Variants in PDLIM5 observed in about 807,000 individuals in gnomAD.
PDLIM5 encodes PDZ and LIM domain 5, also known as PDZ and LIM domain protein 5.
A neutral mutation model predicts 64.2 loss-of-function variants in PDLIM5; 34 were observed. That is an observed-to-expected ratio of 0.53 (90% CI 0.40 to 0.71). The LOEUF is 0.71. Among genes scored for constraint, PDLIM5 ranks in the 30% least tolerant of loss-of-function variants. The pLI, the probability that PDLIM5 is intolerant of heterozygous loss-of-function variation, is 0.00. For synonymous variants in PDLIM5, 253 were observed against 269.1 expected (o/e 0.94, Z 0.59); for missense variants, 683 against 733.6 (o/e 0.93, Z 0.80).
At chr4:94,579,438 G>A in intron 5 of PDLIM5, 6 of 606,296 alleles carry the variant, frequency 9.9e-6, no homozygotes, top group Non-Finnish European at 1.7e-5. Context: ...CAGCTCCTGT[G>A]TGATACTTTG....
chr4:94,657,613 C>T, intron 11 of PDLIM5, 66 bp downstream of exon 11: 1 of 1,180,860 alleles, frequency 8.5e-7, no homozygotes, highest in East Asian at 2.4e-5. Context: ...CCTTATATTA[C>T]TATAAAGCTC....
chr4:94,557,385 G>T lies in PDLIM5; in HGVS notation c.249-15966G>T, dbSNP rs1414066480. Among the ~76,000 whole-genome samples, 8 of 152,182 alleles carry T rather than the reference G, an allele frequency of 5.3e-5. No individual in the cohort carries two copies. In the East Asian group the frequency reaches 1.5e-3, roughly 29 times the overall value. ...TTTTGCTTAGGATTGACTTGGCAAT[G>T]TGGGCTGTTTTTTGGCTCCATATGA... On this transcript the variant is annotated intron_variant, in intron 3 of 12. Coordinates refer to ENST00000317968, the MANE Select transcript of PDLIM5 (RefSeq NM_006457.5).
intron 3 of PDLIM5, among the ~76,000 whole-genome samples, chr4:94,561,858 GTTA>G (rs1733880683): frequency 6.6e-6 from 1 of 152,202 alleles, no homozygotes; most frequent in South Asian, 2.1e-4. Context: ...GCTACAGGAT[GTTA>G]TTGTTGGAAC....
At chr4:94,529,146 C>T (rs2452577) in intron 3 of PDLIM5, among the ~76,000 whole-genome samples, 92,350 of 152,086 alleles carry the variant, frequency 0.61, 30,532 homozygotes, top group African/African-American at 0.88. Flanking sequence ...GAGAAAGCTC[C>T]GGAAAGTTAT....
rs144126982 is a variant in PDLIM5, at chr4:94,639,554, GCTT to G, written c.1109-718_1109-716del. ...ATGAGAGGGAGGAAGGACCAAGGAT[GCTT>G]CTTATGTAGCTGCCTTCTATTCCTG... On this transcript the variant is annotated intron_variant, in intron 8 of 12. Transcript: ENST00000317968. 4.0e-3 allele frequency among the ~76,000 whole-genome samples: 616 copies of G among 152,314 alleles called. 5 individuals carry two copies. Among genetic ancestry groups the G allele is most frequent in the African/African-American group, 0.013 (548 of 41,550 alleles).
chr4:94,472,434 A>G (rs1334873326), intron 2 of PDLIM5, among the ~76,000 whole-genome samples: 7 of 152,226 alleles, frequency 4.6e-5, no homozygotes. Flanking sequence ...AAGTAGCATG[A>G]AACACAGTAT....
intron 3 of PDLIM5, among the ~76,000 whole-genome samples, chr4:94,537,556 A>C (rs962245919): frequency 2.2e-4 from 33 of 152,272 alleles, no homozygotes; most frequent in African/African-American, 7.9e-4. Flanking sequence ...ATGAGAGAAA[A>C]AGTGTTCAAG....
chr4:94,641,021 GA>G (rs1389168380), intron 9 of PDLIM5, among the ~76,000 whole-genome samples: 1 of 152,164 alleles, frequency 6.6e-6, no homozygotes, highest in Non-Finnish European at 1.5e-5. Context: ...ATTACAAGAA[GA>G]AAAAGTCTCA....
chr4:94,456,784 A>C, intron 2 of PDLIM5: 1 of 1,204,484 alleles, frequency 8.3e-7, no homozygotes, highest in Non-Finnish European at 1.0e-6. Flanking sequence ...GCAACGCATG[A>C]AAATACTATT....
intron 2 of PDLIM5, among the ~76,000 whole-genome samples, chr4:94,479,202 T>C (rs971905467): frequency 6.7e-6 from 1 of 149,882 alleles, no homozygotes; most frequent in African/African-American, 2.5e-5. Context: ...GCCCAGCCTG[T>C]TTTTCATTTT....
intron 8 of PDLIM5, among the ~76,000 whole-genome samples, chr4:94,618,718 T>G (rs958698689): frequency 6.6e-6 from 1 of 152,216 alleles, no homozygotes; most frequent in African/African-American, 2.4e-5. Flanking sequence ...ACCTGAGTTC[T>G]CATTGACTTC....
intron 2 of PDLIM5, among the ~76,000 whole-genome samples, chr4:94,505,286 C>T (rs377429243): frequency 8.6e-5 from 13 of 151,632 alleles, no homozygotes; most frequent in African/African-American, 2.9e-4. Flanking sequence ...TTGGAAACAG[C>T]CTTGCTCCAT....
intron 10 of PDLIM5, chr4:94,656,763 T>C (rs1742240367): frequency 6.6e-6 from 1 of 151,624 alleles, no homozygotes; most frequent in African/African-American, 2.4e-5. Context: ...GCCTCCCAAG[T>C]AGCTGGGACT....
chr4:94,472,530 G>A (rs1248659380), intron 2 of PDLIM5, among the ~76,000 whole-genome samples: 1 of 152,228 alleles, frequency 6.6e-6, no homozygotes, highest in Non-Finnish European at 1.5e-5. Context: ...TGGAATGAAT[G>A]TAGACTAGAT....
intron 10 of PDLIM5, among the ~76,000 whole-genome samples, chr4:94,655,315 C>G (rs918251737): frequency 6.6e-6 from 1 of 152,026 alleles, no homozygotes; most frequent in South Asian, 2.1e-4. Context: ...AAGTAAGGGT[C>G]AGGCATACTT....
At chr4:94,493,332 GGC>G (rs1727038798) in intron 2 of PDLIM5, among the ~76,000 whole-genome samples, 1 of 149,380 alleles carries the variant, frequency 6.7e-6, no homozygotes. Context: ...TTTTTTTTGA[GGC>G]AGAGTCTCAC....
At chr4:94,532,534 A>C (rs2110160011) in intron 3 of PDLIM5, among the ~76,000 whole-genome samples, 1 of 152,302 alleles carries the variant, frequency 6.6e-6, no homozygotes, top group South Asian at 2.1e-4. Flanking sequence ...GTTATGCCTA[A>C]TCATAAGAAA....
chr4:94,596,103 AG>A (rs1381100464), intron 7 of PDLIM5, among the ~76,000 whole-genome samples: 1 of 152,182 alleles, frequency 6.6e-6, no homozygotes, highest in African/African-American at 2.4e-5. Flanking sequence ...GTTGAACATA[AG>A]TAATTACTAC....
chr4:94,455,931 A>T lies in PDLIM5; in HGVS notation c.96+547A>T, dbSNP rs1723307113. ...ACTAGATAGCCTATGAATAATTGAG[A>T]TTTGGCTTTTTACCTCATTATGGAT... On this transcript the variant is annotated intron_variant, in intron 2 of 12. Coordinates refer to ENST00000317968, the MANE Select transcript of PDLIM5 (RefSeq NM_006457.5). The T allele has an allele frequency of 8.8e-6, 13 of 1,483,984 alleles. 1 individual carries two copies. In the South Asian group the frequency reaches 1.5e-4, roughly 17 times the overall value. 91.9% of individuals were successfully genotyped at this position (1,483,984 alleles called of 1,614,324 possible).
Sources: allele counts gnomAD v4.1 joint callset (sites outside exome capture counted in the v4.1 genomes callset), GRCh38; gene constraint gnomAD v4.1.1; transcripts MANE v1.5; gene names NCBI Gene and HGNC (gene_info 2026-07-23, HGNC 2026-07-21).